VTI1A: variants seen among roughly 807,000 people sequenced by gnomAD.
VTI1A encodes the protein vesicle transport through interaction with t-SNAREs homolog 1A.
VTI1A carries 22 observed loss-of-function variants against 34.9 expected under a neutral mutation model. That is an observed-to-expected ratio of 0.63 (90% CI 0.45 to 0.90). VTI1A has a LOEUF of 0.90. Among genes scored for constraint, VTI1A ranks in the 40% least tolerant of loss-of-function variants. The pLI, the probability that VTI1A is intolerant of heterozygous loss-of-function variation, is 0.00. For missense variants in VTI1A, 268 were observed against 275.6 expected (o/e 0.97, Z 0.20); for synonymous variants, 87 against 97.3 (o/e 0.89, Z 0.62).
At chr10:112,649,862 T>G (rs1215755612) in intron 5 of VTI1A, among the ~76,000 whole-genome samples, 3 of 152,132 alleles carry the variant, frequency 2.0e-5, no homozygotes, top group African/African-American at 4.8e-5. Context: ...AAATATGATA[T>G]AAGAGATAAA....
chr10:112,842,537 G>A, the VTI1A span, among the ~76,000 whole-genome samples: 353 of 152,322 alleles, frequency 2.3e-3, no homozygotes, highest in Non-Finnish European at 4.2e-3. Flanking sequence ...GGGACTAACT[G>A]GCACTACTCT....
rs556758957 is a variant in VTI1A, at chr10:112,747,703, T to C, written c.561-67587T>C. ...TGATACATGCTTGATTCTTCACCCT[T>C]ACCTGGAGACTGGGTTGTGTAGAAG... On this transcript the variant is annotated intron_variant, in intron 7 of 7. Coordinates refer to ENST00000393077, the MANE Select transcript of VTI1A (RefSeq NM_145206.4). Among the ~76,000 whole-genome samples the C allele has an allele frequency of 1.2e-4, 19 of 152,322 alleles. No homozygotes were observed. The South Asian group carries it at 3.9e-3, about 32-fold the overall frequency.
chr10:112,498,310 CTA>C (rs1849099485), intron 3 of VTI1A, among the ~76,000 whole-genome samples: 2 of 152,084 alleles, frequency 1.3e-5, no homozygotes, highest in South Asian at 4.1e-4. Flanking sequence ...TGCTATTATT[CTA>C]TGATTTATAA....
At position 112,624,990 on chromosome 10, in the gene VTI1A, C is replaced by T. The variant is rs561436504; in HGVS notation, c.428-43228C>T. ...GCACACACCTATAGTCCTAGCTACT[C>T]AAGAGGCTGAGGCAGGAGGATCACT... On this transcript the variant is annotated intron_variant, in intron 5 of 7. Coordinates refer to ENST00000393077, the MANE Select transcript of VTI1A (RefSeq NM_145206.4). Among the ~76,000 whole-genome samples, 16 of 152,192 alleles carry T rather than the reference C, an allele frequency of 1.1e-4. No homozygotes were observed. In the South Asian group the frequency reaches 3.3e-3, roughly 32 times the overall value.
At chr10:112,780,032 G>A (rs1292475202) in intron 7 of VTI1A, among the ~76,000 whole-genome samples, 5 of 149,358 alleles carry the variant, frequency 3.3e-5, no homozygotes, top group Non-Finnish European at 5.9e-5. Context: ...GCTCACACCT[G>A]TAATCCCAGC....
At chr10:112,555,210 A>T (rs1386661461) in intron 5 of VTI1A, among the ~76,000 whole-genome samples, 2 of 152,116 alleles carry the variant, frequency 1.3e-5, no homozygotes, top group Non-Finnish European at 2.9e-5. Context: ...TTCTTGAAAA[A>T]TTATTTCACA....
chr10:112,491,156 C>T (rs1848807726), intron 3 of VTI1A, among the ~76,000 whole-genome samples: 1 of 152,016 alleles, frequency 6.6e-6, no homozygotes, highest in South Asian at 2.1e-4. Context: ...AGACTTACAT[C>T]AAAATCCTAG....
intron 5 of VTI1A, among the ~76,000 whole-genome samples, chr10:112,597,362 C>G (rs1043802632): frequency 6.6e-6 from 1 of 152,084 alleles, no homozygotes; most frequent in East Asian, 1.9e-4. Flanking sequence ...GGATTACAGG[C>G]GTGCGTCACC....
At chr10:112,527,712 A>C (rs1203173962) in intron 4 of VTI1A, among the ~76,000 whole-genome samples, 1 of 147,262 alleles carries the variant, frequency 6.8e-6, no homozygotes, top group Non-Finnish European at 1.5e-5. Flanking sequence ...TAGTCATAAT[A>C]ATAATAATAA....
chr10:112,673,587 A>T (rs1304581429), intron 7 of VTI1A, among the ~76,000 whole-genome samples: 1 of 152,248 alleles, frequency 6.6e-6, no homozygotes, highest in East Asian at 1.9e-4. Flanking sequence ...TTTTGTAACT[A>T]ATCTGTAGTA....
chr10:112,588,495 G>T (rs1244578633), intron 5 of VTI1A, among the ~76,000 whole-genome samples: 1 of 152,168 alleles, frequency 6.6e-6, no homozygotes, highest in African/African-American at 2.4e-5. Context: ...GTTGTAACAT[G>T]TTTGAAAATT....
At chr10:112,821,224 C>T (rs1274414830), downstream of VTI1A, among the ~76,000 whole-genome samples, 3 of 152,210 alleles carry the variant, frequency 2.0e-5, no homozygotes, top group East Asian at 1.9e-4. Context: ...AATAGCTCAG[C>T]GGCTCCGAAG....
intron 5 of VTI1A, among the ~76,000 whole-genome samples, chr10:112,635,209 G>A (rs1434324990): frequency 6.6e-6 from 1 of 152,208 alleles, no homozygotes; most frequent in African/African-American, 2.4e-5. Context: ...CTGGTAAAGA[G>A]GATAATGCAG....
chr10:112,737,425 A>G (rs1042124721), intron 7 of VTI1A: 26 of 1,036,594 alleles, frequency 2.5e-5, no homozygotes, highest in South Asian at 2.3e-4. Context: ...AATGACAAAA[A>G]TGAACTGAAC....
intron 7 of VTI1A, among the ~76,000 whole-genome samples, chr10:112,722,957 C>G (rs1307181922): frequency 2.6e-5 from 4 of 152,286 alleles, no homozygotes; most frequent in Non-Finnish European, 5.9e-5. Context: ...CAATAAGGGG[C>G]AGTGTCTTAC....
intron 5 of VTI1A, among the ~76,000 whole-genome samples, chr10:112,617,183 T>C (rs539750631): frequency 1.3e-5 from 2 of 152,280 alleles, no homozygotes; most frequent in African/African-American, 2.4e-5. Flanking sequence ...GCAAATTAGA[T>C]TGAAAGTAGG....
At chr10:112,644,347 G>T (rs1365650262) in intron 5 of VTI1A, among the ~76,000 whole-genome samples, 1 of 152,180 alleles carries the variant, frequency 6.6e-6, no homozygotes, top group African/African-American at 2.4e-5. Flanking sequence ...GCCTATGCCA[G>T]CACTGTCAAA....
At chr10:112,673,029 GGC>G (rs1304843116) in intron 7 of VTI1A, among the ~76,000 whole-genome samples, 2 of 152,044 alleles carry the variant, frequency 1.3e-5, no homozygotes, top group Non-Finnish European at 2.9e-5. Flanking sequence ...TAAAAAAAAT[GGC>G]ATAAGCCAGG....
chr10:112,794,954 A>G (rs1852619764), intron 7 of VTI1A, among the ~76,000 whole-genome samples: 1 of 152,206 alleles, frequency 6.6e-6, no homozygotes, highest in Non-Finnish European at 1.5e-5. Context: ...TCATATTACC[A>G]TATTCCTTTG....
Sources: allele counts gnomAD v4.1 joint callset (sites outside exome capture counted in the v4.1 genomes callset), GRCh38; gene constraint gnomAD v4.1.1; transcripts MANE v1.5; gene names NCBI Gene and HGNC (gene_info 2026-07-23, HGNC 2026-07-21).